RAPH1: variants seen among roughly 807,000 people sequenced by gnomAD.
RAPH1 encodes ras-associated and pleckstrin homology domains-containing protein 1.
A neutral mutation model predicts 88.1 loss-of-function variants in RAPH1; 18 were observed. That is an observed-to-expected ratio of 0.20 (90% CI 0.14 to 0.30). The LOEUF (loss-of-function observed/expected upper bound fraction) is 0.30, where lower values mean the gene tolerates loss of function less well. RAPH1 is among the 10% of genes least tolerant of loss of function. The pLI is 1.00. For synonymous variants in RAPH1, 587 were observed against 559.0 expected, an observed-to-expected ratio of 1.05 and a Z score of -0.71; for missense variants, 1,448 against 1,543.2, an observed-to-expected ratio of 0.94 and a Z score of 1.03.
Position 203,489,780 on chromosome 2 carries a change from G to C in RAPH1, c.536C>G (p.Thr179Ser). 1 of 1,614,180 alleles carries C rather than the reference G, an allele frequency of 6.2e-7. No individual in the cohort carries two copies. The highest frequency in any genetic ancestry group is 1.1e-5 in the South Asian group (1 of 91,090). The change falls in exon 4 of 14, where the codon ACT (threonine) becomes AGT (serine). Residue 179 changes from threonine (T) to serine (S), a missense_variant. Physicochemically the swap from Thr to Ser is moderately conservative, Grantham distance 58 (BLOSUM62 1). Around this residue, in one of 2 missense-constraint regions of RAPH1, gnomAD observed 513 missense variants for 653.1 expected, o/e 0.79. Transcript: ENST00000319170. Reference protein sequence around the residue: ...EAAQQSVLEDTKPLVTNQHRR... With the variant: ...EAAQQSVLEDSKPLVTNQHRR... ...GTGCTGATTAGTTACTAAGGGTTTA[G>C]TATCTTCTAGTACAGATTGCTGAGC...
rs139655291 is a variant in RAPH1, at chr2:203,440,449, G to A, written c.2741C>T (p.Pro914Leu). The A allele has an allele frequency of 1.2e-4, 189 of 1,545,246 alleles. No individual in the cohort carries two copies. In the Admixed American group the frequency reaches 2.8e-3, roughly 23 times the overall value. Residue 914 changes from proline (P) to leucine (L), a missense_variant, in exon 14 of 14, where the codon CCG becomes CTG. Transcript: ENST00000319170. Reference sequence around the variant, plus strand: ...TTCAGGAGGGGGAGGAGGGAAGTCCGGAGAAGGGACTGGGATGGAGCTGGG... The same window carrying A: ...TTCAGGAGGGGGAGGAGGGAAGTCCAGAGAAGGGACTGGGATGGAGCTGGG... The part of the protein sequence containing the change: ...WQPSSIPVPS[P>L]DFPPPPPESS...
chr2:203,442,186 G>C (rs1215025834), intron 13 of RAPH1: 1 of 1,178,938 alleles, frequency 8.5e-7, no homozygotes, highest in Non-Finnish European at 1.2e-6. Context: ...TGGAAGGCTA[G>C]AATAAAGAAA....
intron 1 of RAPH1, among the ~76,000 whole-genome samples, chr2:203,519,651 A>G (rs1289499263): frequency 6.6e-6 from 1 of 152,196 alleles, no homozygotes; most frequent in Non-Finnish European, 1.5e-5. Flanking sequence ...CAAGATAATA[A>G]TAAGATAATA....
Position 203,440,202 on chromosome 2 carries a change from C to T in RAPH1, c.2988G>A (p.Ser996=), listed in dbSNP as rs145288372. 2.0e-4 allele frequency: 321 copies of T among 1,613,810 alleles called. 4 individuals are homozygous for T. In the South Asian group the frequency reaches 2.2e-3, roughly 11 times the overall value. Residue 996 remains serine, a synonymous_variant, in exon 14 of 14, where the codon TCG becomes TCA. Coordinates refer to ENST00000319170, the MANE Select transcript of RAPH1 (RefSeq NM_213589.3). ...TAAACTTGCTGACTAGACTGTCCAC[C>T]GAGGGTCTCTTGGGCTCGGGGTGCT... ...GAEHPEPKRP[S]VDSLVSKFTP... is the part of the protein sequence containing the mutation.
chr2:203,453,703 A>G (rs1449042598), intron 10 of RAPH1, among the ~76,000 whole-genome samples: 1 of 152,114 alleles, frequency 6.6e-6, no homozygotes, highest in Non-Finnish European at 1.5e-5. Flanking sequence ...GTGAAATTAA[A>G]CATGATATGA....
At chr2:203,482,728 AG>A (rs1242725676) in intron 4 of RAPH1, among the ~76,000 whole-genome samples, 2 of 152,100 alleles carry the variant, frequency 1.3e-5, no homozygotes, top group Non-Finnish European at 2.9e-5. Flanking sequence ...CACTGAACCC[AG>A]GGAGCAGAGG....
Position 203,439,630 on chromosome 2 carries a change from C to T in RAPH1, c.3560G>A (p.Arg1187His), listed in dbSNP as rs200703205. 125 of 1,614,010 alleles carry T rather than the reference C, an allele frequency of 7.7e-5. No individual in the cohort carries two copies. Among genetic ancestry groups the T allele is most frequent in the Non-Finnish European group, 1.0e-4 (121 of 1,180,004 alleles). The change falls in exon 14 of 14, where the codon CGC becomes CAC. Residue 1187 changes from arginine (R) to histidine (H), a missense_variant. Arg to His is a conservative substitution (Grantham distance 29, BLOSUM62 0). Around this residue, in one of 2 missense-constraint regions of RAPH1, gnomAD observed 935 missense variants for 890.1 expected, o/e 1.05. Transcript: ENST00000319170. The part of the protein sequence containing the change: ...SITRHGSLSS[R>H]MSRAEPTATM... The stretch of plus-strand genomic sequence containing the variant: ...GGCTGTTGGTTCTGCTCTGGACATG[C>T]GGGAGGAGAGTGAGCCGTGCCGAGT...
intron 1 of RAPH1, among the ~76,000 whole-genome samples, chr2:203,510,541 C>A (rs531245745): frequency 1.3e-5 from 2 of 152,136 alleles, no homozygotes; most frequent in Admixed American, 1.3e-4. Context: ...AAGACATTTT[C>A]TTCCAGGGTC....
chr2:203,494,569 G>A (rs1051759400), intron 2 of RAPH1, among the ~76,000 whole-genome samples: 1 of 152,132 alleles, frequency 6.6e-6, no homozygotes, highest in Non-Finnish European at 1.5e-5. Flanking sequence ...AGCACTTTGG[G>A]AGGCTGAGGT....
chr2:203,452,115 CACTG>C (rs1252887040), intron 10 of RAPH1, among the ~76,000 whole-genome samples: 2 of 152,196 alleles, frequency 1.3e-5, no homozygotes, highest in Non-Finnish European at 2.9e-5. Flanking sequence ...TTTGAGTTCT[CACTG>C]ACAACCTTGA....
In RAPH1 at chr2:203,489,758, C is replaced by A; in HGVS notation, c.558G>T (p.Gln186His). 6.2e-7 allele frequency: 1 copy of A among 1,614,178 alleles called. No individual in the cohort carries two copies. Residue 186 changes from glutamine (Q) to histidine (H), a missense_variant, in exon 4 of 14, where the codon CAG becomes CAT. Physicochemically the swap from Gln to His is conservative, Grantham distance 24 (BLOSUM62 0). This residue lies in a region of RAPH1 where 513 missense variants were observed against 653.1 expected (regional missense o/e 0.79). Transcript: ENST00000319170. ...TGCCTGCTGACGCGGTTCTTCTGTGCTGATTAGTTACTAAGGGTTTAGTAT... is the reference window on the plus strand; with the variant it reads ...TGCCTGCTGACGCGGTTCTTCTGTGATGATTAGTTACTAAGGGTTTAGTAT... ...LEDTKPLVTN[Q>H]HRRTASAGTV...
At chr2:203,534,504 G>GC (rs1690525336) in intron 1 of RAPH1, among the ~76,000 whole-genome samples, 4 of 9,078 alleles carry the variant, frequency 4.4e-4, no homozygotes, top group Admixed American at 1.9e-3. Context: ...CCCTCCCTCC[G>GC]TCCACCCCCC....
chr2:203,516,476 G>A (rs968890344), intron 1 of RAPH1, among the ~76,000 whole-genome samples: 11 of 152,214 alleles, frequency 7.2e-5, no homozygotes, highest in Non-Finnish European at 1.3e-4. Flanking sequence ...TTGGCGGGGC[G>A]TGATGGCTCA....
intron 1 of RAPH1, among the ~76,000 whole-genome samples, chr2:203,532,809 A>T (rs1690447076): frequency 6.6e-6 from 1 of 152,222 alleles, no homozygotes; most frequent in African/African-American, 2.4e-5. Flanking sequence ...TTATAGGTAA[A>T]GGAATTAAGA....
At position 203,438,183 on chromosome 2, in the gene RAPH1, C is replaced by G. The variant is rs776564010; in HGVS notation, c.*1254G>C. Reference sequence around the variant, plus strand: ...AACCAGGCTGCAGTCAGCAAGGGTCCTGGTAGCCCCAGTAGCTATAAATGA... The same window carrying G: ...AACCAGGCTGCAGTCAGCAAGGGTCGTGGTAGCCCCAGTAGCTATAAATGA... On this transcript the variant is annotated 3_prime_UTR_variant, in exon 14 of 14. Coordinates refer to ENST00000319170, the MANE Select transcript of RAPH1 (RefSeq NM_213589.3). 1 of 518,770 alleles carries G rather than the reference C, an allele frequency of 1.9e-6. No homozygotes were observed. The highest frequency in any genetic ancestry group is 1.9e-5 in the Admixed American group (1 of 51,576). The allele number at this position is 518,770 out of a possible 1,614,324, so 32.1% of individuals were successfully genotyped here. A position where few individuals can be genotyped will look rare whatever the true frequency, so the allele number is the denominator to read the frequency against.
chr2:203,440,892 AGGTGGGGGG>A lies in RAPH1; in HGVS notation c.2289_2297del (p.Pro766_Pro768del). On this transcript the variant is annotated inframe_deletion, in exon 14 of 14. Coordinates refer to ENST00000319170, the MANE Select transcript of RAPH1 (RefSeq NM_213589.3). ...GAGGGAGGGGTGCAGGGATAGGAGGAGGTGGGGGGGGTGTTGGGGGAGCCACCTGAGTAA... is the reference window on the plus strand; with the variant it reads ...GAGGGAGGGGTGCAGGGATAGGAGGAGGTGTTGGGGGAGCCACCTGAGTAA... 3.5e-6 allele frequency: 1 copy of A among 284,422 alleles called. No homozygotes were observed. The highest frequency in any genetic ancestry group is 4.8e-5 in the South Asian group (1 of 20,786). 17.6% of individuals were successfully genotyped at this position (284,422 alleles called of 1,614,324 possible). A position where few individuals can be genotyped will look rare whatever the true frequency, so the allele number is the denominator to read the frequency against.
rs375703407 is a variant in RAPH1, at chr2:203,491,177, C to T, written c.226+37G>A. 1.8e-4 allele frequency: 251 copies of T among 1,391,870 alleles called. 1 individual carries two copies. In the South Asian group the frequency reaches 2.1e-3, roughly 12 times the overall value. The allele number at this position is 1,391,870 out of a possible 1,614,324, so 86.2% of individuals were successfully genotyped here. On this transcript the variant is annotated intron_variant, in intron 3 of 13. Coordinates refer to ENST00000319170, the MANE Select transcript of RAPH1 (RefSeq NM_213589.3). ...ACTGCTCCTACATTGTGTGACTTAGCATACTATTTTACATTTTATTTCCAA... is the reference window on the plus strand; with the variant it reads ...ACTGCTCCTACATTGTGTGACTTAGTATACTATTTTACATTTTATTTCCAA...
intron 13 of RAPH1, chr2:203,441,997 G>A (rs931936534): frequency 2.0e-5 from 31 of 1,541,934 alleles, no homozygotes; most frequent in Admixed American, 8.4e-5. Flanking sequence ...ACACACACTC[G>A]TGTTGGTGTG....
chr2:203,476,776 T>C (rs1229795129), intron 4 of RAPH1, among the ~76,000 whole-genome samples: 1 of 152,200 alleles, frequency 6.6e-6, no homozygotes, highest in Non-Finnish European at 1.5e-5. Flanking sequence ...ATTCAATTTG[T>C]TAGTATCTTA....
Sources: gnomAD v4.1 joint callset for allele counts (sites outside exome capture counted in the v4.1 genomes callset) on GRCh38, gnomAD v4.1.1 for gene constraint, gnomAD v4.1.1 regional missense constraint, MANE v1.5 for transcripts, NCBI Gene and HGNC (gene_info 2026-07-23, HGNC 2026-07-21) for gene names.